The following NAGPA variants were observed in gnomAD, a reference collection of about 807,000 sequenced individuals.
NAGPA encodes alpha-N-acetylglucosaminyl phosphodiesterase.
A neutral mutation model predicts 48.5 loss-of-function variants in NAGPA; 56 were observed. That is an observed-to-expected ratio of 1.15 (90% CI 0.93 to 1.44). The LOEUF (loss-of-function observed/expected upper bound fraction) is 1.44. Ranked by LOEUF, NAGPA falls within the 40% of genes most tolerant of loss-of-function variation. NAGPA has a pLI of 0.00. For synonymous variants in NAGPA, 399 were observed against 315.5 expected, an observed-to-expected ratio of 1.26 and a Z score of -2.81; for missense variants, 888 against 735.0, an observed-to-expected ratio of 1.21 and a Z score of -2.41.
Position 5,033,611 on chromosome 16 carries a change from G to A in NAGPA, c.204C>T (p.Pro68=), listed in dbSNP as rs771931354. 1.3e-6 allele frequency: 2 copies of A among 1,506,212 alleles called. No homozygotes were observed. The highest frequency in any genetic ancestry group is 1.4e-5 in the African/African-American group (1 of 69,372). The allele number at this position is 1,506,212 out of a possible 1,614,324, so 93.3% of individuals were successfully genotyped here. Residue 68 remains proline, a synonymous_variant, in exon 2 of 10, where the codon CCC becomes CCT. Transcript: ENST00000312251. This position sits in a 1 kb window ranked among gnomAD's most constrained non-coding sequence, Gnocchi z 4.2. The part of the protein sequence containing the change: ...NREHESWPPP[P]ATPGAGGLAV... The stretch of plus-strand genomic sequence containing the variant: ...CCAGACCGCCGGCGCCGGGAGTCGC[G>A]GGAGGCGGAGGCCAACTCTCGTGCT...
Position 5,025,237 on chromosome 16 carries a change from A to G in NAGPA, c.*241T>C. On this transcript the variant is annotated 3_prime_UTR_variant, in exon 10 of 10. Transcript: ENST00000312251. ...GCACGGGCTTCTCGGCAGCAGACACAGGCAGGCCAGAAGCAGGCAGCTGAG... is the reference window on the plus strand; with the variant it reads ...GCACGGGCTTCTCGGCAGCAGACACGGGCAGGCCAGAAGCAGGCAGCTGAG... 1.7e-6 allele frequency: 1 copy of G among 576,096 alleles called. No homozygotes were observed. 35.7% of individuals were successfully genotyped at this position (576,096 alleles called of 1,614,324 possible). A position where few individuals can be genotyped will look rare whatever the true frequency, so the allele number is the denominator to read the frequency against.
rs1955987209 is a variant in NAGPA at position 5,025,669 on chromosome 16, G to A, written c.1357C>T (p.Leu453Phe). ...SFFTRTAWLA[L>F]TLALAFLLLI... ...AGGAGGAAGGCCAGCGCCAGGGTGA[G>A]GGCTAGCCAGGCGGTCCTGCAGACA... Residue 453 changes from leucine to phenylalanine, a missense_variant, in exon 10 of 10, where the codon CTC (leucine) becomes TTC (phenylalanine). Physicochemically the swap from Leu to Phe is conservative, Grantham distance 22. Coordinates refer to ENST00000312251, the MANE Select transcript of NAGPA (RefSeq NM_016256.4). The A allele has an allele frequency of 1.9e-6, 3 of 1,610,074 alleles. No individual in the cohort carries two copies. Among genetic ancestry groups the A allele is most frequent in the Non-Finnish European group, 2.5e-6 (3 of 1,178,436 alleles).
In NAGPA at chr16:5,033,728, C is replaced by T; in HGVS notation, c.87G>A (p.Gly29=). The T allele has an allele frequency of 6.2e-7, 1 of 1,603,384 alleles. No homozygotes were observed. The highest frequency in any genetic ancestry group is 8.5e-7 in the Non-Finnish European group (1 of 1,177,088). The change falls in exon 2 of 10, where the codon GGG becomes GGA. Residue 29 remains glycine (G), a splice_region_variant and synonymous_variant. Coordinates refer to ENST00000312251, the MANE Select transcript of NAGPA (RefSeq NM_016256.4). The surrounding 1 kb of genome is among the most constrained non-coding windows in gnomAD (Gnocchi z 4.2). The part of the protein sequence containing the change: ...LWEASGGLDS[G]ASRDDDLLLP... ...GTAGCAAGTCGTCGTCGCGGGAGGC[C>T]CTGCGGGGACGGGCGGCCGTGAGCT...
chr16:5,025,723 G>A, intron 9 of NAGPA, 38 bp from the exon 10 acceptor site: 1 of 1,561,732 alleles, frequency 6.4e-7, no homozygotes, highest in South Asian at 1.2e-5. Flanking sequence ...GGGGACTGCT[G>A]GGTGGGCTCA....
chr16:5,027,097 C>T lies in NAGPA; in HGVS notation c.1340+38G>A, dbSNP rs1026075797. 4.3e-6 allele frequency: 7 copies of T among 1,610,128 alleles called. No homozygotes were observed. The Admixed American group carries it at 6.7e-5, about 15-fold the overall frequency. On this transcript the variant is annotated intron_variant, in intron 9 of 9. Transcript: ENST00000312251. Reference sequence around the variant, plus strand: ...AAGGGTGCGGGAGAGAAGGGGGATTCCTCCCGCCCTGGCCCCAGCTCCCAC... The same window carrying T: ...AAGGGTGCGGGAGAGAAGGGGGATTTCTCCCGCCCTGGCCCCAGCTCCCAC...
At chr16:5,031,922 G>A (rs778547945) in intron 2 of NAGPA, 38 bp from the exon 3 acceptor site, 5 of 1,613,748 alleles carry the variant, frequency 3.1e-6, no homozygotes. Context: ...CTCACCAGCA[G>A]GGGCAACTGC....
At chr16:5,028,826 G>C in intron 5 of NAGPA, 54 bp downstream of exon 5, 2 of 1,612,654 alleles carry the variant, frequency 1.2e-6, no homozygotes. Flanking sequence ...GAATGAGACA[G>C]GCTGGGGCAG....
intron 4 of NAGPA, chr16:5,029,338 G>A (rs531404100): frequency 4.4e-5 from 16 of 362,168 alleles, no homozygotes; most frequent in African/African-American, 3.4e-4. Context: ...GAAATACGAG[G>A]GGGATGAGAG....
At chr16:5,027,476 C>G (rs887065041) in intron 7 of NAGPA, 97 bp from the exon 8 acceptor site, 1 of 1,300,472 alleles carries the variant, frequency 7.7e-7, no homozygotes, top group African/African-American at 1.5e-5. Context: ...CTGCCCCTGC[C>G]CATGTGTACA....
chr16:5,033,693 G>C lies in NAGPA; in HGVS notation c.122C>G (p.Pro41Arg). ...SRDDDLLLPY[P>R]RARARLPRDC... ...CCGGGGGAGGCGCGCGCGCGCGCGTGGATAGGGCAGTAGCAAGTCGTCGTC... is the reference window on the plus strand; with the variant it reads ...CCGGGGGAGGCGCGCGCGCGCGCGTCGATAGGGCAGTAGCAAGTCGTCGTC... Residue 41 changes from proline (P) to arginine (R), a missense_variant, in exon 2 of 10, where the codon CCA becomes CGA. By Grantham distance (103) the Pro-to-Arg change is moderately radical. Coordinates refer to ENST00000312251, the MANE Select transcript of NAGPA (RefSeq NM_016256.4). This position sits in a 1 kb window ranked among gnomAD's most constrained non-coding sequence, Gnocchi z 4.2. 3.1e-6 allele frequency: 5 copies of C among 1,599,838 alleles called. No individual in the cohort carries two copies. Among genetic ancestry groups the C allele is most frequent in the Non-Finnish European group, 4.2e-6 (5 of 1,176,996 alleles).
chr16:5,033,699 G>A lies in NAGPA; in HGVS notation c.116C>T (p.Pro39Leu). 3 of 1,602,016 alleles carry A rather than the reference G, an allele frequency of 1.9e-6. No individual in the cohort carries two copies. The highest frequency in any genetic ancestry group is 2.5e-6 in the Non-Finnish European group (3 of 1,177,716). ...GAGGCGCGCGCGCGCGCGTGGATAGGGCAGTAGCAAGTCGTCGTCGCGGGA... is the reference window on the plus strand; with the variant it reads ...GAGGCGCGCGCGCGCGCGTGGATAGAGCAGTAGCAAGTCGTCGTCGCGGGA... ...GASRDDDLLL[P>L]YPRARARLPR... Residue 39 changes from proline to leucine, a missense_variant, in exon 2 of 10, where the codon CCC (proline) becomes CTC (leucine). By Grantham distance (98) the Pro-to-Leu change is moderately conservative (BLOSUM62 -3). Coordinates refer to ENST00000312251, the MANE Select transcript of NAGPA (RefSeq NM_016256.4). The surrounding 1 kb of genome is among the most constrained non-coding windows in gnomAD (Gnocchi z 4.2).
Position 5,033,761 on chromosome 16 carries a change from C to G in NAGPA, c.87-33G>C. On this transcript the variant is annotated intron_variant, in intron 1 of 9. Coordinates refer to ENST00000312251, the MANE Select transcript of NAGPA (RefSeq NM_016256.4). This position sits in a 1 kb window ranked among gnomAD's most constrained non-coding sequence, Gnocchi z 4.2. ...GACGGGCGGCCGTGAGCTCAGGGGG[C>G]TGTCCTCGTGAGCTCGGAGGACAGG... 1 of 1,592,228 alleles carries G rather than the reference C, an allele frequency of 6.3e-7. No homozygotes were observed.
chr16:5,026,727 C>G (rs1184643678), intron 9 of NAGPA, among the ~76,000 whole-genome samples: 1 of 152,072 alleles, frequency 6.6e-6, no homozygotes, highest in East Asian at 1.9e-4. Flanking sequence ...GAGATCCTAT[C>G]TCTAAAAAAC....
In NAGPA at chr16:5,033,616, G is replaced by A; in HGVS notation, c.199C>T (p.Pro67Ser). The A allele has an allele frequency of 6.6e-7, 1 of 1,514,094 alleles. No homozygotes were observed. Among genetic ancestry groups the A allele is most frequent in the Admixed American group, 2.2e-5 (1 of 45,714 alleles). The allele number at this position is 1,514,094 out of a possible 1,614,324, so 93.8% of individuals were successfully genotyped here. A position where few individuals can be genotyped will look rare whatever the true frequency, so the allele number is the denominator to read the frequency against. ...CCGCCGGCGCCGGGAGTCGCGGGAG[G>A]CGGAGGCCAACTCTCGTGCTCGCGG... ...GNREHESWPP[P>S]PATPGAGGLA... The change falls in exon 2 of 10, where the codon CCT (proline) becomes TCT (serine). Residue 67 changes from proline (P) to serine (S), a missense_variant. By Grantham distance (74) the Pro-to-Ser change is moderately conservative. Transcript: ENST00000312251. This position sits in a 1 kb window ranked among gnomAD's most constrained non-coding sequence, Gnocchi z 4.2.
rs748882290 is a variant in NAGPA, at chr16:5,027,319, C to A, written c.1235G>T (p.Cys412Phe). ...CQRPCKCEHH[C>F]PCDPKTGNCS... ...GTTGCCAGTCTTGGGGTCACAGGGA[C>A]AATGGTGCTCACACTTACAAGGCCT... The change falls in exon 8 of 10, where the codon TGT becomes TTT. Residue 412 changes from cysteine (C) to phenylalanine (F), a missense_variant. Transcript: ENST00000312251. 2.0e-5 allele frequency: 33 copies of A among 1,614,184 alleles called. No individual in the cohort carries two copies. Among genetic ancestry groups the A allele is most frequent in the Non-Finnish European group, 2.8e-5 (33 of 1,180,036 alleles).
rs965495672 is a variant in NAGPA at position 5,032,920 on chromosome 16, T to C, written c.542+353A>G. 26 of 358,454 alleles carry C rather than the reference T, an allele frequency of 7.3e-5. 1 individual carries two copies. The highest frequency in any genetic ancestry group is 5.6e-4 in the African/African-American group (26 of 46,802). 22.2% of individuals were successfully genotyped at this position (358,454 alleles called of 1,614,324 possible). ...ATCACCCTCCCTAAAATCAACACTATTTACAACGGGTTCACCCCGTTGGTT... is the reference window on the plus strand; with the variant it reads ...ATCACCCTCCCTAAAATCAACACTACTTACAACGGGTTCACCCCGTTGGTT... On this transcript the variant is annotated intron_variant, in intron 2 of 9. Transcript: ENST00000312251.
intron 5 of NAGPA, chr16:5,028,574 C>A (rs1043292764): frequency 5.1e-5 from 28 of 548,818 alleles, no homozygotes; most frequent in Non-Finnish European, 8.8e-5. Flanking sequence ...CCCTACAATC[C>A]CTCCCAGCCC....
chr16:5,030,543 C>T (rs910717190), intron 3 of NAGPA, 50 bp from the exon 4 acceptor site: 2 of 1,437,202 alleles, frequency 1.4e-6, no homozygotes, highest in Admixed American at 2.0e-5. Context: ...AGGCCTCCTG[C>T]TTCTTGCCTA....
rs200215920 is a variant in NAGPA, at chr16:5,027,271, T to C, written c.1276+7A>G. On this transcript the variant is annotated splice_region_variant and intron_variant, in intron 8 of 9. Transcript: ENST00000312251. ...GCCCATACCCCTCCCCTTGGAGGGA[T>C]AGGTACCTCTGGAGACGCTGCAGTT... 69 of 1,613,976 alleles carry C rather than the reference T, an allele frequency of 4.3e-5. No homozygotes were observed. Among genetic ancestry groups the C allele is most frequent in the Non-Finnish European group, 5.3e-5 (62 of 1,179,978 alleles).
Sources: allele counts gnomAD v4.1 joint callset (sites outside exome capture counted in the v4.1 genomes callset), GRCh38; gene constraint gnomAD v4.1.1; non-coding constraint Gnocchi (gnomAD v3.1); transcripts MANE v1.5; gene names NCBI Gene and HGNC (gene_info 2026-07-23, HGNC 2026-07-21).